The following FAM135A variants were observed in gnomAD, a reference collection of about 807,000 sequenced individuals.
FAM135A encodes protein FAM135A.
FAM135A carries 79 observed loss-of-function variants against 146.8 expected under a neutral mutation model. The ratio of observed to expected loss-of-function variants is 0.54; its 90% CI spans 0.45 to 0.65. The LOEUF is 0.65. FAM135A is among the 30% of genes least tolerant of loss of function. FAM135A has a pLI of 0.00. For missense variants in FAM135A, 1,623 were observed against 1,758.2 expected, an observed-to-expected ratio of 0.92 and a Z score of 1.38; for synonymous variants, 562 against 603.6, an observed-to-expected ratio of 0.93 and a Z score of 1.01.
intron 20 of FAM135A, among the ~76,000 whole-genome samples, chr6:70,547,984 T>G (rs1799145681): frequency 6.6e-6 from 1 of 152,194 alleles, no homozygotes; most frequent in African/African-American, 2.4e-5. Flanking sequence ...GTTAACTACG[T>G]TGTCTTTGAG....
chr6:70,516,321 A>C (rs542037137), intron 12 of FAM135A, among the ~76,000 whole-genome samples: 1 of 152,130 alleles, frequency 6.6e-6, no homozygotes, highest in Admixed American at 6.5e-5. Flanking sequence ...GTGGGAACTG[A>C]AATTTGGCCT....
rs190479061 is a variant in FAM135A, at chr6:70,497,226, A to G, written c.874-5410A>G. 3.9e-3 allele frequency among the ~76,000 whole-genome samples: 597 copies of G among 152,120 alleles called. 8 individuals are homozygous for G. Among genetic ancestry groups the G allele is most frequent in the African/African-American group, 0.014 (576 of 41,500 alleles). ...GAAGAGGTCCTTCACATCCCTTGCA[A>G]TTTGGATTCCTAGGTTTTTTATTTT... On this transcript the variant is annotated intron_variant, in intron 11 of 21. Coordinates refer to ENST00000418814, the MANE Select transcript of FAM135A (RefSeq NM_001162529.3).
chr6:70,561,083 T>C lies in FAM135A; in HGVS notation c.*1162T>C, dbSNP rs879858130. The C allele has an allele frequency of 2.6e-5, 4 of 152,578 alleles. No homozygotes were observed. Among genetic ancestry groups the C allele is most frequent in the Non-Finnish European group, 5.9e-5 (4 of 67,982 alleles). The allele number at this position is 152,578 out of a possible 1,614,324, so 9.5% of individuals were successfully genotyped here. A position where few individuals can be genotyped will look rare whatever the true frequency, so the allele number is the denominator to read the frequency against. ...ACAGACAGAGGTTTTTGTAAGTATT[T>C]ATTGTACAATTGATGCATGTTTATT... On this transcript the variant is annotated 3_prime_UTR_variant, in exon 22 of 22. Coordinates refer to ENST00000418814, the MANE Select transcript of FAM135A (RefSeq NM_001162529.3).
At chr6:70,420,242 A>C (rs1768517982) in intron 2 of FAM135A, among the ~76,000 whole-genome samples, 1 of 152,172 alleles carries the variant, frequency 6.6e-6, no homozygotes, top group Non-Finnish European at 1.5e-5. Context: ...GTGGGTTCAT[A>C]ATTCAGGAGT....
intron 1 of FAM135A, among the ~76,000 whole-genome samples, chr6:70,414,987 T>G (rs1767239138): frequency 6.6e-6 from 1 of 152,234 alleles, no homozygotes; most frequent in Non-Finnish European, 1.5e-5. Flanking sequence ...TTAATTTGTT[T>G]TATACATTTG....
intron 5 of FAM135A, among the ~76,000 whole-genome samples, chr6:70,463,210 C>T (rs1779751483): frequency 6.6e-6 from 1 of 152,086 alleles, no homozygotes; most frequent in African/African-American, 2.4e-5. Context: ...GTAGGTAACT[C>T]CCCTAAGCAG....
chr6:70,524,646 T>G lies in FAM135A; in HGVS notation c.1562T>G (p.Val521Gly). ...KQNSKDSVVLVGYKCLKSTAS... is the reference protein window; with the variant it reads ...KQNSKDSVVLGGYKCLKSTAS... ...AACTCTAAGGATTCTGTGGTTTTGG[T>G]AGGCTACAAATGTTTGAAAAGTACA... The change falls in exon 15 of 22, where the codon GTA becomes GGA. Residue 521 changes from valine (V) to glycine (G), a missense_variant. Val to Gly is a moderately radical substitution (Grantham distance 109). Around this residue, in one of 7 missense-constraint regions of FAM135A, gnomAD observed 1,061 missense variants for 1,113.8 expected, o/e 0.95. Transcript: ENST00000418814. 6.5e-7 allele frequency: 1 copy of G among 1,549,968 alleles called. No homozygotes were observed. The highest frequency in any genetic ancestry group is 8.7e-7 in the Non-Finnish European group (1 of 1,146,450).
chr6:70,526,152 C>G lies in FAM135A; in HGVS notation c.3068C>G (p.Thr1023Arg). The G allele has an allele frequency of 6.2e-7, 1 of 1,613,522 alleles. No individual in the cohort carries two copies. The change falls in exon 15 of 22, where the codon ACA becomes AGA. Residue 1023 changes from threonine (T) to arginine (R), a missense_variant. By Grantham distance (71) the Thr-to-Arg change is moderately conservative. Transcript: ENST00000418814. ...PTVESETHLG[T>R]SDPFSASTDI... ...GTTGAAAGTGAAACTCATCTGGGTA[C>G]AAGTGATCCTTTTTCAGCCAGTACT...
intron 5 of FAM135A, among the ~76,000 whole-genome samples, chr6:70,466,841 G>A (rs533728336): frequency 6.6e-6 from 1 of 152,218 alleles, no homozygotes; most frequent in African/African-American, 2.4e-5. Flanking sequence ...CTTTTAATCT[G>A]TCCTCAGGTT....
intron 20 of FAM135A, among the ~76,000 whole-genome samples, chr6:70,550,816 A>G (rs1030975844): frequency 6.6e-6 from 1 of 152,192 alleles, no homozygotes; most frequent in African/African-American, 2.4e-5. Flanking sequence ...AATAGAAGGC[A>G]ATTTTTTCAA....
At chr6:70,540,364 G>T (rs1316795697) in intron 20 of FAM135A, among the ~76,000 whole-genome samples, 2 of 115,842 alleles carry the variant, frequency 1.7e-5, no homozygotes, top group African/African-American at 3.4e-5. Flanking sequence ...TCGCTCTGCC[G>T]CCCAGGCTGG....
chr6:70,414,020 C>A (rs983283532), intron 1 of FAM135A: 2 of 985,606 alleles, frequency 2.0e-6, no homozygotes, highest in Non-Finnish European at 2.4e-6. Flanking sequence ...GCGTGTTTGC[C>A]CTTCACCCCT....
intron 20 of FAM135A, among the ~76,000 whole-genome samples, chr6:70,544,915 G>A (rs1798576107): frequency 6.6e-6 from 1 of 151,840 alleles, no homozygotes; most frequent in Non-Finnish European, 1.5e-5. Flanking sequence ...GCCAGGCGTG[G>A]TGGCGGGTGC....
chr6:70,430,958 A>G (rs1771452859), intron 4 of FAM135A, among the ~76,000 whole-genome samples: 1 of 152,096 alleles, frequency 6.6e-6, no homozygotes, highest in Non-Finnish European at 1.5e-5. Context: ...TTAATTTGCT[A>G]AGTCCAAAAG....
At chr6:70,536,454 A>G in intron 19 of FAM135A, 43 bp downstream of exon 19, 1 of 1,432,366 alleles carries the variant, frequency 7.0e-7, no homozygotes, top group African/African-American at 1.5e-5. Context: ...TGGAATAGGG[A>G]GAAAAATATG....
intron 4 of FAM135A, among the ~76,000 whole-genome samples, chr6:70,430,064 C>T (rs767415585): frequency 5.3e-5 from 8 of 152,040 alleles, no homozygotes; most frequent in South Asian, 4.1e-4. Flanking sequence ...AGGCCGGGTG[C>T]GGTGGCTCAC....
In FAM135A at chr6:70,502,747, G is replaced by A. The variant is rs779517222; in HGVS notation, c.985G>A (p.Glu329Lys). The change falls in exon 12 of 22, where the codon GAA (glutamate) becomes AAA (lysine). Residue 329 changes from glutamate (E) to lysine (K), a missense_variant. Glu to Lys is a moderately conservative substitution (Grantham distance 56, BLOSUM62 1). Coordinates refer to ENST00000418814, the MANE Select transcript of FAM135A (RefSeq NM_001162529.3). ...GTTTCTGGAAGTTATAACGCTACACGAAGAACTAAGAATATTATTAGCACA... is the reference window on the plus strand; with the variant it reads ...GTTTCTGGAAGTTATAACGCTACACAAAGAACTAAGAATATTATTAGCACA... ...GQFLEVITLH[E>K]ELRILLAQEH... 27 of 1,612,380 alleles carry A rather than the reference G, an allele frequency of 1.7e-5. No homozygotes were observed. The highest frequency in any genetic ancestry group is 6.7e-5 in the East Asian group (3 of 44,772).
chr6:70,430,302 A>T, intron 4 of FAM135A, among the ~76,000 whole-genome samples: 1 of 151,844 alleles, frequency 6.6e-6, no homozygotes, highest in East Asian at 1.9e-4. Flanking sequence ...GTGCCACTGC[A>T]CTCCAGCCTG....
chr6:70,462,353 C>A (rs1242311128), intron 5 of FAM135A, among the ~76,000 whole-genome samples: 1 of 152,156 alleles, frequency 6.6e-6, no homozygotes, highest in Non-Finnish European at 1.5e-5. Context: ...TTATCAGAAC[C>A]TTGGTGTCTG....
Sources: gnomAD v4.1 joint callset for allele counts (sites outside exome capture counted in the v4.1 genomes callset) on GRCh38, gnomAD v4.1.1 for gene constraint, gnomAD v4.1.1 regional missense constraint, MANE v1.5 for transcripts, NCBI Gene and HGNC (gene_info 2026-07-23, HGNC 2026-07-21) for gene names.